MIR2052HG: variants seen among roughly 807,000 people sequenced by gnomAD.
MIR2052HG encodes MIR2052 host gene.
chr8:74,709,147 G>A (rs1444024973), intron 4 of MIR2052HG, among the ~76,000 whole-genome samples: 1 of 152,166 alleles, frequency 6.6e-6, no homozygotes, highest in Non-Finnish European at 1.5e-5. Flanking sequence ...GGGAAAAGAG[G>A]TCAGTTCCAG....
intron 4 of MIR2052HG, among the ~76,000 whole-genome samples, chr8:74,719,565 T>A (rs115922759): frequency 0.015 from 2,218 of 152,290 alleles, 54 homozygotes; most frequent in African/African-American, 0.047. Context: ...GCACAGCCAA[T>A]TATGGCTTCT....
chr8:74,687,958 A>C (rs1227568952), intron 2 of MIR2052HG, among the ~76,000 whole-genome samples: 1 of 152,110 alleles, frequency 6.6e-6, no homozygotes, highest in African/African-American at 2.4e-5. Flanking sequence ...ATACACATCA[A>C]ATGTGTGCAG....
chr8:74,698,820 C>T (rs940862206), intron 2 of MIR2052HG, among the ~76,000 whole-genome samples: 6 of 151,972 alleles, frequency 3.9e-5, no homozygotes, highest in African/African-American at 1.4e-4. Context: ...GAGGATGGGT[C>T]AATAGGTGCG....
At chr8:74,630,472 T>G (rs1304147475) in intron 2 of MIR2052HG, among the ~76,000 whole-genome samples, 1 of 135,710 alleles carries the variant, frequency 7.4e-6, no homozygotes, top group African/African-American at 2.8e-5. Flanking sequence ...AGCCTTTTAC[T>G]CCAGAAAGAG....
intron 2 of MIR2052HG, among the ~76,000 whole-genome samples, chr8:74,688,678 A>T (rs1809208635): frequency 6.6e-6 from 1 of 152,112 alleles, no homozygotes; most frequent in Non-Finnish European, 1.5e-5. Context: ...TTTTGTTACC[A>T]TAGGTTTTTG....
At chr8:74,755,704 C>T (rs1353998752) in intron 5 of MIR2052HG, among the ~76,000 whole-genome samples, 1 of 152,120 alleles carries the variant, frequency 6.6e-6, no homozygotes, top group African/African-American at 2.4e-5. Flanking sequence ...ATGTGGTGCT[C>T]ATAAAACATG....
chr8:74,653,661 C>G (rs1808775086), intron 2 of MIR2052HG, among the ~76,000 whole-genome samples: 1 of 152,090 alleles, frequency 6.6e-6, no homozygotes, highest in South Asian at 2.1e-4. Context: ...GGGACCACAC[C>G]TGAAGGACAG....
intron 2 of MIR2052HG, among the ~76,000 whole-genome samples, chr8:74,637,759 T>C (rs952714514): frequency 1.3e-5 from 2 of 152,158 alleles, no homozygotes; most frequent in African/African-American, 4.8e-5. Context: ...TTTTTGGGTA[T>C]GGCATGAATA....
chr8:74,688,137 T>C (rs1356485017), intron 2 of MIR2052HG, among the ~76,000 whole-genome samples: 3 of 152,234 alleles, frequency 2.0e-5, no homozygotes, highest in Non-Finnish European at 4.4e-5. Flanking sequence ...CTTTGCCTTA[T>C]GTTTATGCAA....
At chr8:74,602,814 C>T (rs574414011) in intron 1 of MIR2052HG, among the ~76,000 whole-genome samples, 115 of 21,316 alleles carry the variant, frequency 5.4e-3, no homozygotes, top group African/African-American at 0.017. Flanking sequence ...CATGCCCGGC[C>T]GTGTTTCTTT....
At chr8:74,654,440 C>T (rs1808783117) in intron 2 of MIR2052HG, among the ~76,000 whole-genome samples, 1 of 152,070 alleles carries the variant, frequency 6.6e-6, no homozygotes, top group African/African-American at 2.4e-5. Context: ...ATTATATCTC[C>T]CGGAACTCCC....
chr8:74,731,687 T>C (rs1809693793), intron 4 of MIR2052HG, among the ~76,000 whole-genome samples: 1 of 152,130 alleles, frequency 6.6e-6, no homozygotes, highest in Admixed American at 6.6e-5. Flanking sequence ...ACATAGTGTA[T>C]TTATTAAGTT....
At chr8:74,622,376 G>A (rs1808374135) in intron 2 of MIR2052HG, among the ~76,000 whole-genome samples, 1 of 152,164 alleles carries the variant, frequency 6.6e-6, no homozygotes, top group Non-Finnish European at 1.5e-5. Flanking sequence ...GGCTGAGGCA[G>A]GTGGATAGCT....
At chr8:74,739,149 T>G (rs1204673264) in intron 4 of MIR2052HG, among the ~76,000 whole-genome samples, 1 of 152,218 alleles carries the variant, frequency 6.6e-6, no homozygotes, top group African/African-American at 2.4e-5. Flanking sequence ...GCAATCGATG[T>G]TGTGCTTGAC....
At chr8:74,711,922 C>A (rs757279424) in intron 4 of MIR2052HG, among the ~76,000 whole-genome samples, 5 of 152,100 alleles carry the variant, frequency 3.3e-5, no homozygotes, top group Non-Finnish European at 5.9e-5. Flanking sequence ...GAATGCACTG[C>A]AACATGGCTG....
chr8:74,626,685 C>T (rs1166827001), intron 2 of MIR2052HG, among the ~76,000 whole-genome samples: 1 of 152,142 alleles, frequency 6.6e-6, no homozygotes, highest in Non-Finnish European at 1.5e-5. Context: ...CATCTGCACC[C>T]ATCTCTTTCT....
intron 2 of MIR2052HG, among the ~76,000 whole-genome samples, chr8:74,658,225 C>T (rs2128736721): frequency 6.6e-6 from 1 of 152,244 alleles, no homozygotes; most frequent in African/African-American, 2.4e-5. Context: ...GCATTCCCTT[C>T]CTCTGCCCTG....
intron 4 of MIR2052HG, among the ~76,000 whole-genome samples, chr8:74,740,218 C>T (rs973763880): frequency 1.3e-5 from 2 of 152,174 alleles, no homozygotes; most frequent in African/African-American, 4.8e-5. Flanking sequence ...AATCCCAGTA[C>T]TTTGAGAGGC....
chr8:74,707,905 G>C (rs1452944224), intron 4 of MIR2052HG, among the ~76,000 whole-genome samples: 3 of 152,074 alleles, frequency 2.0e-5, no homozygotes, highest in Non-Finnish European at 4.4e-5. Context: ...CCCAGGAGGT[G>C]CTTATAATAT....
Sources: allele counts gnomAD v4.1 joint callset (sites outside exome capture counted in the v4.1 genomes callset), GRCh38; gene constraint gnomAD v4.1.1; transcripts MANE v1.5; gene names NCBI Gene and HGNC (gene_info 2026-07-23, HGNC 2026-07-21).